SPTBN4: variants seen among roughly 807,000 people sequenced by gnomAD.
SPTBN4 encodes the protein spectrin beta chain, non-erythrocytic 4.
SPTBN4 carries 96 observed loss-of-function variants against 277.8 expected under a neutral mutation model. The observed-to-expected ratio is 0.35, with a 90% confidence interval of 0.29 to 0.41. SPTBN4 has a LOEUF of 0.41. SPTBN4 is among the 10% of genes least tolerant of loss of function. SPTBN4 has a pLI of 1.00. For missense variants in SPTBN4, 3,006 were observed against 3,595.7 expected, an observed-to-expected ratio of 0.84 and a Z score of 4.19; for synonymous variants, 1,481 against 1,580.3, an observed-to-expected ratio of 0.94 and a Z score of 1.49.
chr19:40,508,575 C>T (rs1051149697), intron 13 of SPTBN4, among the ~76,000 whole-genome samples: 1 of 152,206 alleles, frequency 6.6e-6, no homozygotes, highest in Non-Finnish European at 1.5e-5. Flanking sequence ...GTAATCCCAG[C>T]AACCCAGAAG....
chr19:40,512,907 C>T lies in SPTBN4; in HGVS notation c.2118C>T (p.Gly706=), dbSNP rs1252665672. 1.4e-6 allele frequency: 2 copies of T among 1,428,614 alleles called. No individual in the cohort carries two copies. The highest frequency in any genetic ancestry group is 1.8e-6 in the Non-Finnish European group (2 of 1,102,140). The allele number at this position is 1,428,614 out of a possible 1,614,324, so 88.5% of individuals were successfully genotyped here. Residue 706 remains glycine, a synonymous_variant, in exon 14 of 36, where the codon GGC becomes GGT. Transcript: ENST00000598249. ...TGGCCCAGCACAAGATCCTGCAGGG[C>T]GAGCTGGGCGGGCGGCGAGCGTTGC... The part of the protein sequence containing the change: ...RLLAQHKILQ[G]ELGGRRALLQ...
chr19:40,550,886 G>C (rs843777), intron 22 of SPTBN4, among the ~76,000 whole-genome samples: 1 of 151,938 alleles, frequency 6.6e-6, no homozygotes, highest in Non-Finnish European at 1.5e-5. Context: ...AAGGCCTCCA[G>C]TGGATTCAGG....
chr19:40,554,587 A>G lies in SPTBN4; in HGVS notation c.5025A>G (p.Glu1675=). 6.5e-7 allele frequency: 1 copy of G among 1,548,390 alleles called. No individual in the cohort carries two copies. The highest frequency in any genetic ancestry group is 8.7e-7 in the Non-Finnish European group (1 of 1,146,208). The change falls in exon 24 of 36, where the codon GAA becomes GAG. Residue 1675 remains glutamate, a synonymous_variant. Transcript: ENST00000598249. The surrounding 1 kb of genome is among the most constrained non-coding windows in gnomAD (Gnocchi z 5.7). ...AGCAAGGCGTGGAGAACTACGAGGA[A>G]AGCATCGCGCAGCTGTCGCGCCAGT... is the stretch of plus-strand genomic sequence containing the variant. ...QLEQGVENYE[E]SIAQLSRQCR...
intron 20 of SPTBN4, chr19:40,534,548 C>T: frequency 1.5e-6 from 1 of 649,436 alleles, no homozygotes; most frequent in Non-Finnish European, 2.6e-6. Flanking sequence ...GTATGGAGTA[C>T]AAAGGGAAAA....
chr19:40,572,378 G>A lies in SPTBN4; in HGVS notation c.7534G>A (p.Glu2512Lys), dbSNP rs1265697681. 3.1e-6 allele frequency: 5 copies of A among 1,614,212 alleles called. No individual in the cohort carries two copies. The highest frequency in any genetic ancestry group is 4.2e-6 in the Non-Finnish European group (5 of 1,180,042). The change falls in exon 35 of 36, where the codon GAG becomes AAG. Residue 2512 changes from glutamate to lysine, a missense_variant and splice_region_variant. By Grantham distance (56) the Glu-to-Lys change is moderately conservative. Around this residue, in one of 5 missense-constraint regions of SPTBN4, gnomAD observed 630 missense variants for 677.6 expected, o/e 0.93. Transcript: ENST00000598249. ...TGAGTTTTTGCTCCAGGCAAAAGAT[G>A]AGGTGAGATCTGGTCCTTTCCTCCC... The part of the protein sequence containing the change: ...GSEFLLQAKD[E>K]EEMNGWLEAV...
At chr19:40,520,237 G>A (rs746928877) in intron 16 of SPTBN4, 86 bp downstream of exon 16, 141 of 1,282,596 alleles carry the variant, frequency 1.1e-4, no homozygotes, top group Non-Finnish European at 1.3e-4. Context: ...GGGGTGGGGA[G>A]GAGGGTGTTT....
chr19:40,553,612 G>A (rs745319001), intron 22 of SPTBN4, among the ~76,000 whole-genome samples: 2 of 152,112 alleles, frequency 1.3e-5, no homozygotes, highest in Non-Finnish European at 2.9e-5. Flanking sequence ...TAAGGTTAAG[G>A]CACACAAAAC....
intron 12 of SPTBN4, among the ~76,000 whole-genome samples, chr19:40,505,379 T>G (rs2080313665): frequency 1.5e-5 from 1 of 68,776 alleles, no homozygotes; most frequent in Admixed American, 1.7e-4. Flanking sequence ...TGAGACCCTG[T>G]CTCAAAAAAA....
At chr19:40,559,257 G>A (rs1180262379) in intron 26 of SPTBN4, among the ~76,000 whole-genome samples, 1 of 151,972 alleles carries the variant, frequency 6.6e-6, no homozygotes, top group African/African-American at 2.4e-5. Flanking sequence ...TCCTACAAAT[G>A]ACTTAGAAAT....
rs1197664825 is a variant in SPTBN4 at position 40,519,622 on chromosome 19, T to C, written c.3125T>C (p.Leu1042Pro). Residue 1042 changes from leucine to proline, a missense_variant, in exon 16 of 36, where the codon CTG (leucine) becomes CCG (proline). This residue lies in a region of SPTBN4 where 1,759 missense variants were observed against 2,061.5 expected (regional missense o/e 0.85). Transcript: ENST00000598249. The surrounding 1 kb of genome is among the most constrained non-coding windows in gnomAD (Gnocchi z 5.7). ...CTGGAGCCGCGCCAGGCGGCCCTTC[T>C]GGAGGAGGCAGCCCTGCTGGCTGAG... ...QALEPRQAAL[L>P]EEAALLAERF... is the part of the protein sequence containing the mutation. 1.4e-6 allele frequency: 2 copies of C among 1,446,224 alleles called. No individual in the cohort carries two copies. The highest frequency in any genetic ancestry group is 9.0e-7 in the Non-Finnish European group (1 of 1,111,778). The allele number at this position is 1,446,224 out of a possible 1,614,324, so 89.6% of individuals were successfully genotyped here.
intron 20 of SPTBN4, among the ~76,000 whole-genome samples, chr19:40,540,521 C>T (rs1367346798): frequency 2.6e-5 from 4 of 151,900 alleles, no homozygotes; most frequent in Non-Finnish European, 5.9e-5. Flanking sequence ...GGATTATTCG[C>T]GTGAGCCACT....
chr19:40,494,285 C>T (rs2080170169), intron 5 of SPTBN4, among the ~76,000 whole-genome samples: 1 of 151,764 alleles, frequency 6.6e-6, no homozygotes. Flanking sequence ...TTTCCTTGTA[C>T]TTATCTCTTC....
Position 40,513,116 on chromosome 19 carries a change from AC to A in SPTBN4, c.2329del (p.Gln777SerfsTer53). On this transcript the variant is annotated frameshift_variant, in exon 14 of 36. Coordinates refer to ENST00000598249, the MANE Select transcript of SPTBN4 (RefSeq NM_020971.3). LOFTEE classifies it high-confidence loss of function. ...ERRLQEARAL[H>X]QFGADLDGLL... ...CGGCTGCAGGAGGCGCGGGCGCTGC[AC>A]CAGTTCGGCGCTGACCTCGACGGGC... 6.8e-7 allele frequency: 1 copy of A among 1,465,022 alleles called. No individual in the cohort carries two copies. Among genetic ancestry groups the A allele is most frequent in the Non-Finnish European group, 9.0e-7 (1 of 1,116,922 alleles). The allele number at this position is 1,465,022 out of a possible 1,614,324, so 90.8% of individuals were successfully genotyped here.
At chr19:40,557,938 A>T (rs983819846) in intron 26 of SPTBN4, among the ~76,000 whole-genome samples, 7 of 151,564 alleles carry the variant, frequency 4.6e-5, no homozygotes, top group African/African-American at 1.7e-4. Flanking sequence ...AAAAAAAAAA[A>T]AAGCTTCCAA....
At chr19:40,540,152 C>T (rs2080782991) in intron 20 of SPTBN4, among the ~76,000 whole-genome samples, 1 of 151,952 alleles carries the variant, frequency 6.6e-6, no homozygotes, top group Non-Finnish European at 1.5e-5. Flanking sequence ...GTCCCAAACT[C>T]CTGACCTCAA....
At chr19:40,489,849 C>G (rs2080117061) in intron 3 of SPTBN4, among the ~76,000 whole-genome samples, 1 of 152,282 alleles carries the variant, frequency 6.6e-6, no homozygotes, top group East Asian at 1.9e-4. Context: ...GTGAATAAAC[C>G]TTGAAGGGAT....
chr19:40,541,719 G>A (rs1487162037), intron 20 of SPTBN4, among the ~76,000 whole-genome samples: 1 of 151,948 alleles, frequency 6.6e-6, no homozygotes, highest in South Asian at 2.1e-4. Context: ...GTCCCTCTCT[G>A]TCCTACTCTC....
At chr19:40,549,860 T>C (rs2080898224) in intron 21 of SPTBN4, among the ~76,000 whole-genome samples, 2 of 152,180 alleles carry the variant, frequency 1.3e-5, no homozygotes, top group South Asian at 4.1e-4. Flanking sequence ...GAAAACAGAC[T>C]TGTCCCCAGA....
intron 4 of SPTBN4, among the ~76,000 whole-genome samples, chr19:40,492,623 G>T (rs974020056): frequency 2.0e-5 from 3 of 152,136 alleles, no homozygotes; most frequent in Non-Finnish European, 4.4e-5. Context: ...CTGCCATGTG[G>T]AGAACACACT....
Sources: gnomAD v4.1 joint callset for allele counts (sites outside exome capture counted in the v4.1 genomes callset) on GRCh38, gnomAD v4.1.1 for gene constraint, gnomAD v4.1.1 regional missense constraint, Gnocchi (gnomAD v3.1) non-coding constraint, MANE v1.5 for transcripts, NCBI Gene and HGNC (gene_info 2026-07-23, HGNC 2026-07-21) for gene names.